Variants in LAMA3 observed in about 807,000 individuals in gnomAD.
LAMA3 encodes the protein laminin subunit alpha 3.
A neutral mutation model predicts 402.0 loss-of-function variants in LAMA3; 281 were observed. The ratio of observed to expected loss-of-function variants is 0.70; its 90% confidence interval spans 0.63 to 0.77. The LOEUF (loss-of-function observed/expected upper bound fraction) is 0.77, where lower values mean the gene tolerates loss of function less well. LAMA3 is among the 30% of genes least tolerant of loss of function. The probability of loss-of-function intolerance (pLI) is 0.00; values close to 1 mark genes in which losing one functional copy is unlikely to be tolerated. For synonymous variants in LAMA3, 1,431 were observed against 1,558.4 expected (o/e 0.92, Z 1.93); for missense variants, 3,840 against 4,215.5 (o/e 0.91, Z 2.47).
intron 60 of LAMA3, among the ~76,000 whole-genome samples, chr18:23,917,059 CCTT>C (rs2081654572): frequency 6.6e-6 from 1 of 152,030 alleles, no homozygotes; most frequent in African/African-American, 2.4e-5. Context: ...TCTGTTGTTC[CCTT>C]CTTTGCGTCC....
In LAMA3 at chr18:23,871,413, T is replaced by C; in HGVS notation, c.4768-18T>C. The C allele has an allele frequency of 6.2e-7, 1 of 1,611,778 alleles. No homozygotes were observed. Among genetic ancestry groups the C allele is most frequent in the Non-Finnish European group, 8.5e-7 (1 of 1,177,886 alleles). ...AGCCTGCCTAAGGAAGACCCTGACT[T>C]TCTGTTTCCATGTGTAGGGAAACTT... On this transcript the variant is annotated intron_variant, in intron 37 of 74. Transcript: ENST00000313654.
chr18:23,720,417 C>G (rs1022437445), intron 2 of LAMA3, among the ~76,000 whole-genome samples: 1 of 152,042 alleles, frequency 6.6e-6, no homozygotes, highest in Admixed American at 6.5e-5. Context: ...TGCAGTGGCG[C>G]AATCTCGGCT....
At chr18:23,755,612 T>G (rs550828417) in intron 6 of LAMA3, among the ~76,000 whole-genome samples, 1 of 152,214 alleles carries the variant, frequency 6.6e-6, no homozygotes. Flanking sequence ...TAACCAAGCA[T>G]GTGTACCATG....
rs574420545 is a variant in LAMA3, at chr18:23,844,898, G to A, written c.3604-111G>A. The A allele has an allele frequency of 1.8e-5, 13 of 719,870 alleles. No individual in the cohort carries two copies. In the African/African-American group the frequency reaches 2.1e-4, roughly 12 times the overall value. The allele number at this position is 719,870 out of a possible 1,614,324, so 44.6% of individuals were successfully genotyped here. The stretch of plus-strand genomic sequence containing the variant: ...TGCTCAAAAAGTTTCAGATTTTGAA[G>A]CATTTCAGATTTTGGATTTTTCGAG... On this transcript the variant is annotated intron_variant, in intron 29 of 74. Transcript: ENST00000313654.
At chr18:23,695,032 C>T (rs1286954065) in intron 1 of LAMA3, among the ~76,000 whole-genome samples, 1 of 152,182 alleles carries the variant, frequency 6.6e-6, no homozygotes, top group Non-Finnish European at 1.5e-5. Context: ...TTTAAAAGTA[C>T]CTGAATTTCA....
chr18:23,923,932 C>A (rs921473070), intron 62 of LAMA3, among the ~76,000 whole-genome samples: 9 of 152,322 alleles, frequency 5.9e-5, no homozygotes, highest in African/African-American at 7.2e-5. Flanking sequence ...TAGGTTAATT[C>A]AGCACTCAAC....
intron 12 of LAMA3, among the ~76,000 whole-genome samples, chr18:23,789,021 A>G (rs904644576): frequency 2.6e-5 from 4 of 152,084 alleles, no homozygotes; most frequent in Non-Finnish European, 5.9e-5. Context: ...GAAAATGAGT[A>G]AAGGATTTGA....
At chr18:23,750,211 GAGA>G (rs1214841077) in intron 4 of LAMA3, among the ~76,000 whole-genome samples, 3 of 152,178 alleles carry the variant, frequency 2.0e-5, no homozygotes, top group Non-Finnish European at 4.4e-5. Context: ...GAAACAATCA[GAGA>G]AGATTTCCAT....
Position 23,894,302 on chromosome 18 carries a change from C to T in LAMA3, c.5415C>T (p.Cys1805=), listed in dbSNP as rs1480104396. 5 of 1,611,226 alleles carry T rather than the reference C, an allele frequency of 3.1e-6. No homozygotes were observed. Among genetic ancestry groups the T allele is most frequent in the Non-Finnish European group, 8.5e-7 (1 of 1,177,498 alleles). ...TTGGTTATTTTCTGATTTTAGACTG[C>T]ATAAACCAAGAACCCAAAGATAGCA... ...LGSCHPLTGD[C]INQEPKDSSP... The change falls in exon 43 of 75, where the codon TGC becomes TGT. Residue 1805 remains cysteine, a synonymous_variant. Transcript: ENST00000313654.
intron 55 of LAMA3, 107 bp downstream of exon 55, chr18:23,909,402 TC>T: frequency 9.4e-7 from 1 of 1,060,624 alleles, no homozygotes; most frequent in East Asian, 2.4e-5. Flanking sequence ...TGGTTGTCTT[TC>T]TTTCCCCAAT....
intron 20 of LAMA3, among the ~76,000 whole-genome samples, chr18:23,822,842 C>G (rs1163123170): frequency 2.6e-5 from 4 of 152,244 alleles, no homozygotes; most frequent in African/African-American, 9.6e-5. Flanking sequence ...CAAATGAGTT[C>G]CAGGAGGGAG....
rs181875870 is a variant in LAMA3, at chr18:23,924,534, T to C, written c.8177+2949T>C. Among the ~76,000 whole-genome samples the C allele has an allele frequency of 7.9e-3, 958 of 121,860 alleles. 9 individuals are homozygous for C. The highest frequency in any genetic ancestry group is 0.027 in the Middle Eastern group (5 of 188). 79.9% of individuals were successfully genotyped at this position (121,860 alleles called of 152,430 possible). A position where few individuals can be genotyped will look rare whatever the true frequency, so the allele number is the denominator to read the frequency against. On this transcript the variant is annotated intron_variant, in intron 62 of 74. Coordinates refer to ENST00000313654, the MANE Select transcript of LAMA3 (RefSeq NM_198129.4). The stretch of plus-strand genomic sequence containing the variant: ...TCTGGGCAAGTTTTATACTTTGACC[T>C]TTTTTTTTCTTTTTTTTTTTTTTTT...
Position 23,784,093 on chromosome 18 carries a change from TG to T in LAMA3, c.1543del (p.Val515LeufsTer37), listed in dbSNP as rs2062492134. On this transcript the variant is annotated frameshift_variant, in exon 12 of 75. Transcript: ENST00000313654. LOFTEE classifies it high-confidence loss of function. ...CCCACGGACGGTGCCTGTGCCGCCC[TG>T]GGGTTGAGGGCCCTCGATGTGATAC... is the stretch of plus-strand genomic sequence containing the variant. Reference protein sequence around the residue: ...DAHGRCLCRPGVEGPRCDTCR... With the variant: ...DAHGRCLCRPXVEGPRCDTCR... The T allele has an allele frequency of 6.2e-7, 1 of 1,614,154 alleles. No individual in the cohort carries two copies. The highest frequency in any genetic ancestry group is 8.5e-7 in the Non-Finnish European group (1 of 1,180,012).
intron 22 of LAMA3, 30 bp from the exon 23 acceptor site, chr18:23,827,284 T>A (rs753428744): frequency 6.2e-7 from 1 of 1,613,076 alleles, no homozygotes; most frequent in Non-Finnish European, 8.5e-7. Context: ...GTTGTAACTA[T>A]TGATTCCATT....
intron 57 of LAMA3, 32 bp downstream of exon 57, chr18:23,914,593 C>T (rs772379334): frequency 6.2e-7 from 1 of 1,612,862 alleles, no homozygotes; most frequent in Admixed American, 1.7e-5. Flanking sequence ...CCTGTGCTCA[C>T]CAAACTTCCA....
intron 8 of LAMA3, among the ~76,000 whole-genome samples, chr18:23,770,369 C>A (rs2143829959): frequency 6.7e-6 from 1 of 148,738 alleles, no homozygotes; most frequent in East Asian, 2.1e-4. Flanking sequence ...AGAACTTCCA[C>A]AGCTCAGTTA....
At chr18:23,715,724 C>T (rs559044731) in intron 2 of LAMA3, among the ~76,000 whole-genome samples, 1 of 152,214 alleles carries the variant, frequency 6.6e-6, no homozygotes, top group East Asian at 1.9e-4. Flanking sequence ...TATGTTGATA[C>T]TAATACTAAA....
intron 40 of LAMA3, among the ~76,000 whole-genome samples, chr18:23,884,126 CTT>C (rs1279049821): frequency 6.7e-6 from 1 of 150,080 alleles, no homozygotes; most frequent in African/African-American, 2.4e-5. Flanking sequence ...AATATCATCA[CTT>C]ATTGCTTCTC....
In LAMA3 at chr18:23,824,406, C is replaced by A. The variant is rs2063341955; in HGVS notation, c.2429-17C>A. 1.9e-6 allele frequency: 3 copies of A among 1,613,698 alleles called. No homozygotes were observed. The highest frequency in any genetic ancestry group is 2.5e-6 in the Non-Finnish European group (3 of 1,179,786). ...TGATAGAAAAATGCCTTAAGCAGTT[C>A]TTTGTATTTCTGATAGGTGCTGCTC... On this transcript the variant is annotated splice_polypyrimidine_tract_variant and intron_variant, in intron 20 of 74. Transcript: ENST00000313654.
Sources: gnomAD v4.1 joint callset for allele counts (sites outside exome capture counted in the v4.1 genomes callset) on GRCh38, gnomAD v4.1.1 for gene constraint, MANE v1.5 for transcripts, NCBI Gene and HGNC (gene_info 2026-07-23, HGNC 2026-07-21) for gene names.